Variants in YPEL2 observed in about 807,000 individuals in gnomAD.
The protein encoded by YPEL2 is yippee like 2.
In YPEL2, 2 loss-of-function variants were observed where a neutral mutation model predicts 19.1. The observed-to-expected ratio is 0.10, with a 90% CI of 0.04 to 0.33. YPEL2 has a LOEUF of 0.33. Ranked by LOEUF, YPEL2 falls within the 10% of genes least tolerant of loss-of-function variation. The pLI, the probability that YPEL2 is intolerant of heterozygous loss-of-function variation, is 1.00. For missense variants in YPEL2, 66 were observed against 140.7 expected (o/e 0.47, Z 2.68); for synonymous variants, 52 against 50.0 (o/e 1.04, Z -0.17).
chr17:59,367,819 C>G (rs1301059273), intron 2 of YPEL2, among the ~76,000 whole-genome samples: 1 of 152,272 alleles, frequency 6.6e-6, no homozygotes, highest in Middle Eastern at 3.4e-3. Flanking sequence ...ACAAGGTGAT[C>G]AAGCCAGATA....
At chr17:59,396,322 TC>T (rs1384607372) in intron 4 of YPEL2, among the ~76,000 whole-genome samples, 1 of 152,190 alleles carries the variant, frequency 6.6e-6, no homozygotes, top group East Asian at 1.9e-4. Context: ...AACATGAAAG[TC>T]TCTGCACTCC....
At chr17:59,352,285 C>T (rs2147939779) in intron 1 of YPEL2, among the ~76,000 whole-genome samples, 1 of 152,264 alleles carries the variant, frequency 6.6e-6, no homozygotes, top group East Asian at 1.9e-4. Flanking sequence ...GCAGGTGAGC[C>T]ACAGAGAAGC....
chr17:59,397,139 C>A lies in YPEL2; in HGVS notation c.309C>A (p.Gly103=). 1 of 1,612,632 alleles carries A rather than the reference C, an allele frequency of 6.2e-7. No homozygotes were observed. The highest frequency in any genetic ancestry group is 8.5e-7 in the Non-Finnish European group (1 of 1,179,328). Residue 103 remains glycine, a synonymous_variant, in exon 5 of 5, where the codon GGC becomes GGA. Coordinates refer to ENST00000312655, the MANE Select transcript of YPEL2 (RefSeq NM_001005404.4). ...AAAGCAGCCAGAAATATAAAGAAGG[C>A]AAATACATCATTGAACTAGCACACA... ...AFESSQKYKE[G]KYIIELAHMI... is the part of the protein sequence containing the mutation.
At chr17:59,336,015 T>C (rs964763697) in intron 1 of YPEL2, among the ~76,000 whole-genome samples, 1 of 152,212 alleles carries the variant, frequency 6.6e-6, no homozygotes, top group African/African-American at 2.4e-5. Context: ...AAATATATTA[T>C]CTACCTGTTT....
intron 4 of YPEL2, among the ~76,000 whole-genome samples, chr17:59,395,520 T>C (rs2048034400): frequency 6.6e-6 from 1 of 152,172 alleles, no homozygotes; most frequent in African/African-American, 2.4e-5. Context: ...GAGCCCTGTT[T>C]ATTCGCTGGG....
chr17:59,395,420 G>A (rs954359374), intron 4 of YPEL2, among the ~76,000 whole-genome samples: 4 of 152,174 alleles, frequency 2.6e-5, no homozygotes, highest in Non-Finnish European at 5.9e-5. Flanking sequence ...GATGTCCACT[G>A]CTTGTGCATA....
Position 59,353,194 on chromosome 17 carries a change from C to T in YPEL2, c.-195-21C>T, listed in dbSNP as rs1598031909. ...CCCTGCTCCATCAGCCAATGTTAGTCCTCTTCCCTTGATGTTACAGGCTGC... is the reference window on the plus strand; with the variant it reads ...CCCTGCTCCATCAGCCAATGTTAGTTCTCTTCCCTTGATGTTACAGGCTGC... On this transcript the variant is annotated intron_variant, in intron 1 of 4. Coordinates refer to ENST00000312655, the MANE Select transcript of YPEL2 (RefSeq NM_001005404.4). The surrounding 1 kb of genome is among the most constrained non-coding windows in gnomAD (Gnocchi z 4.8). 1 of 465,232 alleles carries T rather than the reference C, an allele frequency of 2.1e-6. No individual in the cohort carries two copies. Among genetic ancestry groups the T allele is most frequent in the Admixed American group, 3.9e-5 (1 of 25,536 alleles). The allele number at this position is 465,232 out of a possible 1,614,324, so 28.8% of individuals were successfully genotyped here.
At chr17:59,333,597 C>A (rs748230036) in intron 1 of YPEL2, among the ~76,000 whole-genome samples, 9 of 152,106 alleles carry the variant, frequency 5.9e-5, no homozygotes, top group Non-Finnish European at 8.8e-5. Context: ...CTGCAGTGTG[C>A]TCTGTTTTAA....
intron 2 of YPEL2, among the ~76,000 whole-genome samples, chr17:59,385,256 G>T (rs1598050550): frequency 6.6e-6 from 1 of 152,182 alleles, no homozygotes; most frequent in Admixed American, 6.5e-5. Context: ...CACTGTAAAA[G>T]AAAATACATT....
intron 2 of YPEL2, among the ~76,000 whole-genome samples, chr17:59,379,137 T>C (rs2047936465): frequency 6.6e-6 from 1 of 152,216 alleles, no homozygotes; most frequent in African/African-American, 2.4e-5. Context: ...TCTTTCCTCT[T>C]AGCTAAATGT....
In YPEL2 at chr17:59,348,114, C is replaced by T. The variant is rs369311281; in HGVS notation, c.-195-5101C>T. 1.3e-4 allele frequency among the ~76,000 whole-genome samples: 20 copies of T among 152,284 alleles called. No individual in the cohort carries two copies. In the South Asian group the frequency reaches 1.4e-3, roughly 11 times the overall value. ...GGGAAGCTGAGGGTCAGAGTGGTTTCGTAACTTGCCAGAAGTCACGCAGCT... is the reference window on the plus strand; with the variant it reads ...GGGAAGCTGAGGGTCAGAGTGGTTTTGTAACTTGCCAGAAGTCACGCAGCT... On this transcript the variant is annotated intron_variant, in intron 1 of 4. Coordinates refer to ENST00000312655, the MANE Select transcript of YPEL2 (RefSeq NM_001005404.4).
rs138843326 is a variant in YPEL2 at position 59,364,469 on chromosome 17, T to G, written c.117+10943T>G. Among the ~76,000 whole-genome samples the G allele has an allele frequency of 4.8e-3, 726 of 152,296 alleles. 6 individuals carry two copies. The highest frequency in any genetic ancestry group is 0.017 in the African/African-American group (689 of 41,556). On this transcript the variant is annotated intron_variant, in intron 2 of 4. Coordinates refer to ENST00000312655, the MANE Select transcript of YPEL2 (RefSeq NM_001005404.4). ...AGACTGTCTTTAAAGTTCCTTCTAC[T>G]TCCCCCCTGCGTCTTCTGAGTCTAA...
At position 59,383,271 on chromosome 17, in the gene YPEL2, G is replaced by A. The variant is rs565813882; in HGVS notation, c.118-5056G>A. Reference sequence around the variant, plus strand: ...CATAGATAAGTCTTAGGACCTTGGAGTCTTATAGTCTATTTAGTCTTACAG... The same window carrying A: ...CATAGATAAGTCTTAGGACCTTGGAATCTTATAGTCTATTTAGTCTTACAG... On this transcript the variant is annotated intron_variant, in intron 2 of 4. Transcript: ENST00000312655. 9.5e-4 allele frequency among the ~76,000 whole-genome samples: 144 copies of A among 151,970 alleles called. 1 individual carries two copies. The highest frequency in any genetic ancestry group is 3.4e-3 in the Middle Eastern group (1 of 294).
chr17:59,337,219 G>A (rs1219375838), intron 1 of YPEL2, among the ~76,000 whole-genome samples: 1 of 141,396 alleles, frequency 7.1e-6, no homozygotes, highest in African/African-American at 2.7e-5. Context: ...ACGGAGTCTC[G>A]CTCTGTGGCC....
In YPEL2 at chr17:59,387,354, G is replaced by A. The variant is rs190164168; in HGVS notation, c.118-973G>A. On this transcript the variant is annotated intron_variant, in intron 2 of 4. Transcript: ENST00000312655. ...CACATCTGACAAAAATGATTGTCTC[G>A]CGTGCTGATCTGAGTCCTATCTGGT... Among the ~76,000 whole-genome samples, 9 of 151,454 alleles carry A rather than the reference G, an allele frequency of 5.9e-5. No homozygotes were observed. In the South Asian group the frequency reaches 8.4e-4, roughly 14 times the overall value.
intron 1 of YPEL2, among the ~76,000 whole-genome samples, chr17:59,337,796 GAT>G (rs1352846454): frequency 6.6e-6 from 1 of 152,114 alleles, no homozygotes; most frequent in East Asian, 1.9e-4. Context: ...ACATTTTGGA[GAT>G]ATACACACTG....
chr17:59,375,406 G>A (rs894672852), intron 2 of YPEL2, among the ~76,000 whole-genome samples: 14 of 152,176 alleles, frequency 9.2e-5, no homozygotes, highest in African/African-American at 3.4e-4. Context: ...TGGTCCAGGT[G>A]CCAAAGCAAG....
At chr17:59,359,458 G>T (rs2047829489) in intron 2 of YPEL2, among the ~76,000 whole-genome samples, 1 of 151,854 alleles carries the variant, frequency 6.6e-6, no homozygotes, top group African/African-American at 2.4e-5. Context: ...TAAAGGATAT[G>T]TACAATATTA....
rs1371869070 is a variant in YPEL2 at position 59,331,732 on chromosome 17, G to A, written c.-288G>A. ...GAGACTGTGGCTTTAAGAGCGTGCCGGGAGCCCGAGCCCCAGCCGGGCCGC... is the reference window on the plus strand; with the variant it reads ...GAGACTGTGGCTTTAAGAGCGTGCCAGGAGCCCGAGCCCCAGCCGGGCCGC... On this transcript the variant is annotated 5_prime_UTR_variant, in exon 1 of 5. Coordinates refer to ENST00000312655, the MANE Select transcript of YPEL2 (RefSeq NM_001005404.4). 2 of 152,230 alleles carry A rather than the reference G, an allele frequency of 1.3e-5. No homozygotes were observed. The highest frequency in any genetic ancestry group is 2.9e-5 in the Non-Finnish European group (2 of 68,100). 9.4% of individuals were successfully genotyped at this position (152,230 alleles called of 1,614,324 possible). A position where few individuals can be genotyped will look rare whatever the true frequency, so the allele number is the denominator to read the frequency against.
Sources: allele counts gnomAD v4.1 joint callset (sites outside exome capture counted in the v4.1 genomes callset), GRCh38; gene constraint gnomAD v4.1.1; non-coding constraint Gnocchi (gnomAD v3.1); transcripts MANE v1.5; gene names NCBI Gene and HGNC (gene_info 2026-07-23, HGNC 2026-07-21).